The following CRACDL variants were observed in gnomAD, a reference collection of about 807,000 sequenced individuals.
CRACDL encodes CRACD like.
Under a neutral mutation model 70.6 loss-of-function variants are expected in CRACDL, and 26 were observed. The ratio of observed to expected loss-of-function variants is 0.37; its 90% CI spans 0.27 to 0.51. The LOEUF (loss-of-function observed/expected upper bound fraction) is 0.51. Among genes scored for constraint, CRACDL ranks in the 20% least tolerant of loss-of-function variants. The pLI, the probability that CRACDL is intolerant of heterozygous loss-of-function variation, is 0.94. For synonymous variants in CRACDL, 618 were observed against 615.2 expected, an observed-to-expected ratio of 1.00 and a Z score of -0.07; for missense variants, 1,283 against 1,376.9, an observed-to-expected ratio of 0.93 and a Z score of 1.08.
At chr2:98,859,240 C>A (rs1473302197) in intron 1 of CRACDL, among the ~76,000 whole-genome samples, 2 of 152,128 alleles carry the variant, frequency 1.3e-5, no homozygotes, top group Non-Finnish European at 2.9e-5. Flanking sequence ...CAACACAATA[C>A]TAGCAAGCTA....
chr2:98,815,590 T>C (rs1704750446), intron 7 of CRACDL, among the ~76,000 whole-genome samples: 1 of 152,172 alleles, frequency 6.6e-6, no homozygotes, highest in Non-Finnish European at 1.5e-5. Flanking sequence ...TACGGGGGTA[T>C]AGCTTCATTT....
rs149042037 is a variant in CRACDL at position 98,862,066 on chromosome 2, T to C, written c.-10-15256A>G. Among the ~76,000 whole-genome samples, 24 of 152,322 alleles carry C rather than the reference T, an allele frequency of 1.6e-4. No individual in the cohort carries two copies. In the East Asian group the frequency reaches 4.2e-3, roughly 27 times the overall value. On this transcript the variant is annotated intron_variant, in intron 1 of 9. Coordinates refer to ENST00000397899, the MANE Select transcript of CRACDL (RefSeq NM_207362.3). ...AGATTTAATGGGCTGGTACCCTTTT[T>C]CTTCCTTCACTTTTCTTGTTTCTCA...
chr2:98,895,073 T>A (rs747484410), intron 1 of CRACDL, among the ~76,000 whole-genome samples: 1 of 151,974 alleles, frequency 6.6e-6, no homozygotes, highest in Non-Finnish European at 1.5e-5. Context: ...ATCATACCAC[T>A]ACGCTCCAGC....
intron 7 of CRACDL, among the ~76,000 whole-genome samples, chr2:98,805,668 C>A (rs1400249320): frequency 6.6e-6 from 1 of 152,190 alleles, no homozygotes; most frequent in African/African-American, 2.4e-5. Context: ...ACTCACTTTG[C>A]AGCCTAGGGG....
intron 7 of CRACDL, among the ~76,000 whole-genome samples, chr2:98,802,923 T>C (rs1343889720): frequency 2.0e-5 from 3 of 152,152 alleles, no homozygotes; most frequent in South Asian, 2.1e-4. Context: ...ATTTGGTACA[T>C]GGTGTCCTTT....
chr2:98,896,487 A>G (rs1708128280), intron 1 of CRACDL, among the ~76,000 whole-genome samples: 1 of 152,140 alleles, frequency 6.6e-6, no homozygotes, highest in Non-Finnish European at 1.5e-5. Flanking sequence ...CCCTACATTC[A>G]CCTTAAGGGG....
At chr2:98,884,657 C>T (rs530740446) in intron 1 of CRACDL, among the ~76,000 whole-genome samples, 1 of 152,310 alleles carries the variant, frequency 6.6e-6, no homozygotes, top group African/African-American at 2.4e-5. Context: ...GAGGGTGGAG[C>T]CCTCACAAAT....
Position 98,850,637 on chromosome 2 carries a change from C to T in CRACDL, c.-10-3827G>A, listed in dbSNP as rs148802646. ...CCAAGTCCAAGTTAAAGAAAACTTA[C>T]TCTTTAAGCTAAATCTGGACCGCCA... On this transcript the variant is annotated intron_variant, in intron 1 of 9. Coordinates refer to ENST00000397899, the MANE Select transcript of CRACDL (RefSeq NM_207362.3). Among the ~76,000 whole-genome samples, 106 of 152,320 alleles carry T rather than the reference C, an allele frequency of 7.0e-4. 1 individual carries two copies. Among genetic ancestry groups the T allele is most frequent in the African/African-American group, 2.4e-3 (99 of 41,584 alleles).
chr2:98,805,410 A>G (rs1002696318), intron 7 of CRACDL, among the ~76,000 whole-genome samples: 1 of 152,088 alleles, frequency 6.6e-6, no homozygotes, highest in African/African-American at 2.4e-5. Flanking sequence ...CTGTTTCCAC[A>G]CTGCAATTAA....
At chr2:98,866,026 A>T (rs1707125197) in intron 1 of CRACDL, among the ~76,000 whole-genome samples, 1 of 152,050 alleles carries the variant, frequency 6.6e-6, no homozygotes, top group African/African-American at 2.4e-5. Flanking sequence ...CTTGTGTGCA[A>T]AACCTTCTCT....
At chr2:98,845,474 T>C (rs765687673) in intron 2 of CRACDL, among the ~76,000 whole-genome samples, 3 of 152,144 alleles carry the variant, frequency 2.0e-5, no homozygotes, top group Admixed American at 6.5e-5. Flanking sequence ...GGATTACAGG[T>C]GGAAGCCGCT....
intron 7 of CRACDL, among the ~76,000 whole-genome samples, chr2:98,819,983 C>T (rs1441726484): frequency 6.6e-6 from 1 of 151,568 alleles, no homozygotes; most frequent in East Asian, 2.0e-4. Flanking sequence ...CCATGCCTGG[C>T]TAATTTTTGT....
intron 1 of CRACDL, among the ~76,000 whole-genome samples, chr2:98,899,430 C>G (rs1466630123): frequency 6.6e-6 from 1 of 152,230 alleles, no homozygotes; most frequent in Non-Finnish European, 1.5e-5. Flanking sequence ...AATGTTCTTA[C>G]GGCAGTGCAG....
At chr2:98,931,991 T>C (rs977413594) in intron 1 of CRACDL, among the ~76,000 whole-genome samples, 1 of 152,244 alleles carries the variant, frequency 6.6e-6, no homozygotes, top group African/African-American at 2.4e-5. Flanking sequence ...TAAATGTGTC[T>C]TAAGGACTCT....
chr2:98,823,593 T>C lies in CRACDL; in HGVS notation c.736-56A>G. 1 of 1,534,290 alleles carries C rather than the reference T, an allele frequency of 6.5e-7. No homozygotes were observed. The highest frequency in any genetic ancestry group is 1.2e-5 in the South Asian group (1 of 83,966). Reference sequence around the variant, plus strand: ...GCTATAGCCAATTCCAGGAAGCCTGTCACCTCCCCACTTTTTTCAAGGCTT... The same window carrying C: ...GCTATAGCCAATTCCAGGAAGCCTGCCACCTCCCCACTTTTTTCAAGGCTT... On this transcript the variant is annotated intron_variant, in intron 6 of 9. Transcript: ENST00000397899. This position sits in a 1 kb window ranked among gnomAD's most constrained non-coding sequence, Gnocchi z 4.0.
intron 1 of CRACDL, among the ~76,000 whole-genome samples, chr2:98,892,765 T>C (rs182172218): frequency 1.1e-4 from 16 of 152,312 alleles, no homozygotes; most frequent in Admixed American, 9.2e-4. Flanking sequence ...TATGATTTTA[T>C]TTTTGGAAAA....
intron 1 of CRACDL, among the ~76,000 whole-genome samples, chr2:98,858,055 A>G (rs866194267): frequency 6.6e-6 from 1 of 152,244 alleles, no homozygotes; most frequent in Non-Finnish European, 1.5e-5. Context: ...TTATGCGATG[A>G]ACTCCTAAAT....
intron 1 of CRACDL, among the ~76,000 whole-genome samples, chr2:98,910,568 T>TAAA (rs1401180798): frequency 7.8e-6 from 1 of 128,316 alleles, no homozygotes; most frequent in African/African-American, 3.0e-5. Context: ...AAATAAATAA[T>TAAA]GCTCCTTGTT....
chr2:98,830,238 A>G (rs1413056880), intron 5 of CRACDL, among the ~76,000 whole-genome samples: 1 of 152,240 alleles, frequency 6.6e-6, no homozygotes, highest in African/African-American at 2.4e-5. Context: ...AAAATTTGAA[A>G]AATTATTCCA....
Sources: allele counts gnomAD v4.1 joint callset (sites outside exome capture counted in the v4.1 genomes callset), GRCh38; gene constraint gnomAD v4.1.1; non-coding constraint Gnocchi (gnomAD v3.1); transcripts MANE v1.5; gene names NCBI Gene and HGNC (gene_info 2026-07-23, HGNC 2026-07-21).